The following DACH2 variants were observed in gnomAD, a reference collection of about 807,000 sequenced individuals.
DACH2 encodes the protein dachshund family transcription factor 2.
A neutral mutation model predicts 35.8 loss-of-function variants in DACH2; 17 were observed. The ratio of observed to expected loss-of-function variants is 0.48; its 90% CI spans 0.33 to 0.71. The LOEUF is 0.71. Among genes scored for constraint, DACH2 ranks in the 30% least tolerant of loss-of-function variants. DACH2 has a pLI of 0.02. For synonymous variants in DACH2, 195 were observed against 177.3 expected (o/e 1.10, Z -0.79); for missense variants, 469 against 472.7 (o/e 0.99, Z 0.07).
intron 2 of DACH2, among the ~76,000 whole-genome samples, chrX:86,491,903 C>A: frequency 9.0e-6 from 1 of 111,598 alleles, no homozygotes; most frequent in Middle Eastern, 4.7e-3. Flanking sequence ...CTATATTTTG[C>A]ATTTTCTTTT....
At chrX:86,814,590 T>C in intron 9 of DACH2, 98 bp from the exon 10 acceptor site, 1 of 840,568 alleles carries the variant, frequency 1.2e-6, no homozygotes, top group East Asian at 3.3e-5. Flanking sequence ...TTTCTATATC[T>C]CTCTTTATCT....
intron 2 of DACH2, among the ~76,000 whole-genome samples, chrX:86,431,740 T>A (rs1407100054): frequency 8.9e-6 from 1 of 111,780 alleles, no homozygotes; most frequent in Non-Finnish European, 1.9e-5. Flanking sequence ...TTCTGAATAA[T>A]TAGATTACTT....
At chrX:86,588,824 C>T (rs966555937) in intron 3 of DACH2, among the ~76,000 whole-genome samples, 1 of 111,012 alleles carries the variant, frequency 9.0e-6, no homozygotes, top group African/African-American at 3.3e-5. Context: ...ATTTTGACTT[C>T]CTCTCTTCCT....
chrX:86,246,269 T>A (rs1347336715), intron 1 of DACH2, among the ~76,000 whole-genome samples: 2 of 72,770 alleles, frequency 2.7e-5, no homozygotes, highest in Non-Finnish European at 4.8e-5. Context: ...ATGAAAAATT[T>A]CCCAAACTTG....
At chrX:86,464,627 G>A (rs146275370) in intron 2 of DACH2, among the ~76,000 whole-genome samples, 4,462 of 110,459 alleles carry the variant, frequency 0.04, 104 homozygotes, top group Middle Eastern at 0.056. Context: ...CATGGCACAC[G>A]TATACCTATG....
Position 86,817,567 on chromosome X carries a change from A to G in DACH2, c.1750+1468A>G, listed in dbSNP as rs115146586. On this transcript the variant is annotated intron_variant, in intron 11 of 11. Transcript: ENST00000373125. ...CTTTGGAACTGGAGAGGGTAATCCG[A>G]ATACACCACTAGTGAGTTTTATCTT... Among the ~76,000 whole-genome samples the G allele has an allele frequency of 2.4e-3, 266 of 111,410 alleles. 1 individual carries two copies. The highest frequency in any genetic ancestry group is 8.4e-3 in the African/African-American group (259 of 30,764).
chrX:86,762,075 C>T (rs2041889004), intron 7 of DACH2, among the ~76,000 whole-genome samples: 1 of 111,301 alleles, frequency 9.0e-6, no homozygotes, highest in African/African-American at 3.3e-5. Flanking sequence ...TCCAGTCAGC[C>T]ATCTTGAAGC....
intron 1 of DACH2, among the ~76,000 whole-genome samples, chrX:86,357,548 G>GT (rs2035663505): frequency 1.8e-5 from 2 of 112,159 alleles, no homozygotes; most frequent in Non-Finnish European, 3.8e-5. Flanking sequence ...CAAAGGTAAT[G>GT]TTTTTTATCC....
intron 3 of DACH2, among the ~76,000 whole-genome samples, chrX:86,570,760 C>T (rs1248372297): frequency 9.0e-6 from 1 of 110,594 alleles, no homozygotes; most frequent in Non-Finnish European, 1.9e-5. Context: ...TTAAAATGCT[C>T]AAAAATCTTT....
chrX:86,741,042 C>A (rs935515838), intron 7 of DACH2, among the ~76,000 whole-genome samples: 4 of 111,637 alleles, frequency 3.6e-5, no homozygotes, highest in Non-Finnish European at 3.8e-5. Context: ...TTCCTATGTA[C>A]CCATTTCCTT....
In DACH2 at chrX:86,725,790, G is replaced by T. The variant is rs764089754; in HGVS notation, c.1104+11070G>T. Among the ~76,000 whole-genome samples, 3 of 111,371 alleles carry T rather than the reference G, an allele frequency of 2.7e-5. No individual in the cohort carries two copies. In the South Asian group the frequency reaches 1.2e-3, roughly 43 times the overall value. ...CAAGTGGTTCATGCTCGTGTTGCTG[G>T]TGCCTGCAATTGGTTGTGGAGGCTA... On this transcript the variant is annotated intron_variant, in intron 6 of 11. Coordinates refer to ENST00000373125, the MANE Select transcript of DACH2 (RefSeq NM_053281.3).
chrX:86,657,898 G>A (rs780338841), intron 4 of DACH2, among the ~76,000 whole-genome samples: 1 of 111,231 alleles, frequency 9.0e-6, no homozygotes, highest in African/African-American at 3.3e-5. Flanking sequence ...ATTTTAAAAA[G>A]GATCATATTT....
intron 2 of DACH2, among the ~76,000 whole-genome samples, chrX:86,381,898 A>T (rs766646692): frequency 9.1e-6 from 1 of 110,076 alleles, no homozygotes; most frequent in Non-Finnish European, 1.9e-5. Context: ...AGTTTTTCCC[A>T]TTTCAAAGCA....
At chrX:86,227,267 G>A (rs1248689508) in intron 1 of DACH2, among the ~76,000 whole-genome samples, 2 of 84,604 alleles carry the variant, frequency 2.4e-5, no homozygotes, top group Non-Finnish European at 5.1e-5. Flanking sequence ...TTTTACTACC[G>A]ATTAGGGATA....
intron 1 of DACH2, among the ~76,000 whole-genome samples, chrX:86,375,959 C>T (rs900214596): frequency 1.8e-5 from 2 of 110,582 alleles, no homozygotes; most frequent in Non-Finnish European, 3.8e-5. Context: ...ATAGTCCTCA[C>T]AGGTTTTTTT....
intron 2 of DACH2, among the ~76,000 whole-genome samples, chrX:86,469,830 G>A (rs938272929): frequency 3.8e-5 from 4 of 106,015 alleles, no homozygotes; most frequent in Non-Finnish European, 5.8e-5. Flanking sequence ...ATATGTATAC[G>A]TCTGTGTGTG....
chrX:86,669,110 A>G (rs2040734142), intron 4 of DACH2, among the ~76,000 whole-genome samples: 1 of 111,616 alleles, frequency 9.0e-6, no homozygotes, highest in Non-Finnish European at 1.9e-5. Flanking sequence ...CTGAAGACTT[A>G]CTAATACCTG....
At chrX:86,719,941 TTC>T (rs1491171085) in intron 6 of DACH2, among the ~76,000 whole-genome samples, 2 of 103,773 alleles carry the variant, frequency 1.9e-5, no homozygotes, top group Admixed American at 2.1e-4. Context: ...TCTTTTTTTT[TTC>T]TTTTTTTTTT....
At chrX:86,547,282 CG>C (rs952106953) in intron 3 of DACH2, among the ~76,000 whole-genome samples, 1 of 111,318 alleles carries the variant, frequency 9.0e-6, no homozygotes, top group Admixed American at 9.6e-5. Context: ...AAATGAAACC[CG>C]GGGAGTTTCC....
Sources: gnomAD v4.1 joint callset for allele counts (sites outside exome capture counted in the v4.1 genomes callset) on GRCh38, gnomAD v4.1.1 for gene constraint, MANE v1.5 for transcripts, NCBI Gene and HGNC (gene_info 2026-07-23, HGNC 2026-07-21) for gene names.